Variants in TACC1 observed in about 807,000 individuals in gnomAD.
The protein encoded by TACC1 is transforming acidic coiled-coil containing protein 1, also known as transforming acidic coiled-coil-containing protein 1.
TACC1 carries 48 observed loss-of-function variants against 84.4 expected under a neutral mutation model. The observed-to-expected ratio is 0.57, with a 90% CI of 0.45 to 0.72. The LOEUF is 0.72. TACC1 is among the 30% of genes least tolerant of loss of function. The probability of loss-of-function intolerance (pLI) is 0.00; values close to 1 mark genes in which losing one functional copy is unlikely to be tolerated. For missense variants in TACC1, 920 were observed against 973.0 expected, an observed-to-expected ratio of 0.95 and a Z score of 0.72; for synonymous variants, 372 against 376.3, an observed-to-expected ratio of 0.99 and a Z score of 0.13.
rs7010743 is a variant in TACC1 at position 38,743,509 on chromosome 8, A to G, written c.-574+1058A>G. Among the ~76,000 whole-genome samples the G allele has an allele frequency of 6.5e-3, 988 of 152,316 alleles. 14 individuals carry two copies. Among genetic ancestry groups the G allele is most frequent in the African/African-American group, 0.022 (923 of 41,562 alleles). ...AGTGTTAGGGTTAGGGCTAGTTTAC[A>G]GAGCACTCCTTATCTATAGAGTAGG... On this transcript the variant is annotated intron_variant, in intron 2 of 14. Coordinates refer to the TACC1 transcript ENST00000518415.
intron 6 of TACC1, among the ~76,000 whole-genome samples, chr8:38,832,339 A>G (rs1362972037): frequency 6.6e-6 from 1 of 152,240 alleles, no homozygotes; most frequent in Non-Finnish European, 1.5e-5. Context: ...GTGGAAAGGA[A>G]GAGAGTGAAA....
chr8:38,769,155 G>A (rs1474017312), intron 3 of TACC1, among the ~76,000 whole-genome samples: 1 of 147,646 alleles, frequency 6.8e-6, no homozygotes, highest in Non-Finnish European at 1.5e-5. Flanking sequence ...TAGGTGTGTG[G>A]TGTGTGTGTG....
At chr8:38,749,119 A>G (rs1449613581) in intron 3 of TACC1, among the ~76,000 whole-genome samples, 1 of 152,204 alleles carries the variant, frequency 6.6e-6, no homozygotes, top group Non-Finnish European at 1.5e-5. Flanking sequence ...GGATATTAAA[A>G]GAATAACAAT....
At chr8:38,810,388 G>T (rs1315906813) in intron 2 of TACC1, among the ~76,000 whole-genome samples, 1 of 152,006 alleles carries the variant, frequency 6.6e-6, no homozygotes, top group Non-Finnish European at 1.5e-5. Flanking sequence ...ATCAGTTGAG[G>T]CCAGGAGTTT....
rs61750340 is a variant in TACC1 at position 38,848,016 on chromosome 8, C to G, written c.2411C>G (p.Thr804Ser). 18 of 1,613,460 alleles carry G rather than the reference C, an allele frequency of 1.1e-5. No individual in the cohort carries two copies. Among genetic ancestry groups the G allele is most frequent in the Non-Finnish European group, 1.4e-5 (17 of 1,179,714 alleles). ...CDELIAKLGK[T>S]D Reference sequence around the variant, plus strand: ...GAGCTGATTGCAAAGCTGGGAAAGACTGACTGAGACACTCCCCCTGTTAGC... The same window carrying G: ...GAGCTGATTGCAAAGCTGGGAAAGAGTGACTGAGACACTCCCCCTGTTAGC... The change falls in exon 13 of 13, where the codon ACT becomes AGT. Residue 804 changes from threonine (T) to serine (S), a missense_variant. Thr to Ser is a moderately conservative substitution (Grantham distance 58). Coordinates refer to ENST00000317827, the MANE Select transcript of TACC1 (RefSeq NM_006283.3).
At chr8:38,732,065 T>C (rs1403236524) in intron 1 of TACC1, among the ~76,000 whole-genome samples, 2 of 151,682 alleles carry the variant, frequency 1.3e-5, no homozygotes, top group Non-Finnish European at 2.9e-5. Flanking sequence ...TGAGCCAAGA[T>C]TGTACCACTG....
In TACC1 at chr8:38,848,275, G is replaced by C. The variant is rs539933077; in HGVS notation, c.*252G>C. On this transcript the variant is annotated 3_prime_UTR_variant, in exon 13 of 13. Coordinates refer to ENST00000317827, the MANE Select transcript of TACC1 (RefSeq NM_006283.3). Reference sequence around the variant, plus strand: ...AGCCTCCTAGTTTCCCCCTATGAAGGTTCCCTTAGGCTGCTGAGTTTGGGT... The same window carrying C: ...AGCCTCCTAGTTTCCCCCTATGAAGCTTCCCTTAGGCTGCTGAGTTTGGGT... The C allele has an allele frequency of 7.2e-4, 247 of 343,938 alleles. No individual in the cohort carries two copies. The highest frequency in any genetic ancestry group is 3.7e-3 in the South Asian group (31 of 8,328). 21.3% of individuals were successfully genotyped at this position (343,938 alleles called of 1,614,324 possible).
In TACC1 at chr8:38,754,884, C is replaced by A. The variant is rs539360065; in HGVS notation, c.26+9391C>A. 3.5e-4 allele frequency among the ~76,000 whole-genome samples: 54 copies of A among 152,308 alleles called. 2 individuals are homozygous for A. The South Asian group carries it at 0.011, about 31-fold the overall frequency. On this transcript the variant is annotated intron_variant, in intron 3 of 14. Transcript: ENST00000518415. ...CTGCTACATAAAAGAGAGATCTGGCCGGGCACAGTGGCTCACGCCTGTAAT... is the reference window on the plus strand; with the variant it reads ...CTGCTACATAAAAGAGAGATCTGGCAGGGCACAGTGGCTCACGCCTGTAAT...
chr8:38,808,358 G>A (rs138902733), intron 2 of TACC1, among the ~76,000 whole-genome samples: 12 of 152,340 alleles, frequency 7.9e-5, no homozygotes, highest in African/African-American at 2.6e-4. Flanking sequence ...ATCTGGGTAT[G>A]TAACTTCTTA....
At chr8:38,750,869 T>C (rs1454541550) in intron 3 of TACC1, among the ~76,000 whole-genome samples, 1 of 152,242 alleles carries the variant, frequency 6.6e-6, no homozygotes, top group Admixed American at 6.5e-5. Flanking sequence ...TTTTGAATTA[T>C]TCAATAAATT....
At chr8:38,773,442 A>T (rs999048121) in intron 3 of TACC1, among the ~76,000 whole-genome samples, 5 of 148,516 alleles carry the variant, frequency 3.4e-5, no homozygotes, top group Non-Finnish European at 7.4e-5. Flanking sequence ...TATTAAATAA[A>T]TACTAATATA....
chr8:38,831,042 C>A, intron 5 of TACC1, 83 bp from the exon 6 acceptor site: 1 of 1,226,816 alleles, frequency 8.2e-7, no homozygotes, highest in Non-Finnish European at 1.2e-6. Flanking sequence ...TTCTCGCCTG[C>A]ACTGGGGTTT....
At chr8:38,827,790 G>C in intron 5 of TACC1, 1 of 170,528 alleles carries the variant, frequency 5.9e-6, no homozygotes, top group South Asian at 1.3e-4. Context: ...ACCAGTGCCT[G>C]CTTCTGGTGA....
At chr8:38,762,928 G>C (rs2151827151) in intron 3 of TACC1, among the ~76,000 whole-genome samples, 1 of 152,206 alleles carries the variant, frequency 6.6e-6, no homozygotes, top group East Asian at 1.9e-4. Context: ...GCAGCTCTTT[G>C]GAGTATAAAC....
At chr8:38,825,871 A>T (rs2152254398) in intron 4 of TACC1, among the ~76,000 whole-genome samples, 1 of 152,320 alleles carries the variant, frequency 6.6e-6, no homozygotes, top group South Asian at 2.1e-4. Context: ...ATGTTACAGA[A>T]CTACTTTCTG....
chr8:38,807,727 T>C (rs982858970), intron 2 of TACC1, among the ~76,000 whole-genome samples: 4 of 152,264 alleles, frequency 2.6e-5, no homozygotes, highest in Non-Finnish European at 4.4e-5. Context: ...TCCCCTCTTC[T>C]AAGACTTTCA....
At chr8:38,751,502 G>A (rs1809034542) in intron 3 of TACC1, among the ~76,000 whole-genome samples, 1 of 151,984 alleles carries the variant, frequency 6.6e-6, no homozygotes, top group Admixed American at 6.6e-5. Flanking sequence ...TCACTTTATT[G>A]CACTTCACAT....
chr8:38,769,376 G>A (rs905297812), intron 3 of TACC1, among the ~76,000 whole-genome samples: 14 of 149,228 alleles, frequency 9.4e-5, no homozygotes, highest in African/African-American at 3.5e-4. Context: ...GTGGGGGTGT[G>A]TGGTGTGTGA....
intron 12 of TACC1, among the ~76,000 whole-genome samples, chr8:38,847,303 G>T (rs1262819011): frequency 6.6e-6 from 1 of 152,112 alleles, no homozygotes; most frequent in Non-Finnish European, 1.5e-5. Context: ...CAGGGATGCT[G>T]TTAAACATCC....
Sources: allele counts gnomAD v4.1 joint callset (sites outside exome capture counted in the v4.1 genomes callset), GRCh38; gene constraint gnomAD v4.1.1; transcripts MANE v1.5; gene names NCBI Gene and HGNC (gene_info 2026-07-23, HGNC 2026-07-21).